Variants in ZNF169 observed in about 807,000 individuals in gnomAD.
ZNF169 encodes the protein zinc finger protein 169.
Under a neutral mutation model 12.0 loss-of-function variants are expected in ZNF169, and 11 were observed. The ratio of observed to expected loss-of-function variants is 0.92; its 90% CI spans 0.58 to 1.52. ZNF169 has a LOEUF of 1.52. Ranked by LOEUF, ZNF169 falls within the 40% of genes most tolerant of loss-of-function variation. The pLI is 0.00. For synonymous variants in ZNF169, 302 were observed against 286.5 expected (o/e 1.05, Z -0.55); for missense variants, 722 against 744.0 (o/e 0.97, Z 0.34).
chr9:94,285,014 A>T (rs1234238435), intron 2 of ZNF169, among the ~76,000 whole-genome samples: 2 of 152,226 alleles, frequency 1.3e-5, no homozygotes, highest in East Asian at 3.8e-4. Context: ...AAATAGTGTC[A>T]TACTGGCATA....
chr9:94,273,194 CT>C (rs1317472790), intron 1 of ZNF169, among the ~76,000 whole-genome samples: 1 of 152,058 alleles, frequency 6.6e-6, no homozygotes, highest in African/African-American at 2.4e-5. Context: ...TGGCTGTTTC[CT>C]TTGCTGCAAA....
At chr9:94,279,720 G>A (rs62579660) in intron 2 of ZNF169, among the ~76,000 whole-genome samples, 24,085 of 152,096 alleles carry the variant, frequency 0.16, 2,565 homozygotes, top group Non-Finnish European at 0.23. Context: ...ATCCCTCACC[G>A]TGTGGGAAGC....
chr9:94,277,669 C>T (rs372820676), intron 1 of ZNF169, among the ~76,000 whole-genome samples: 19 of 152,164 alleles, frequency 1.2e-4, no homozygotes, highest in African/African-American at 4.3e-4. Context: ...CGGTGGCTCA[C>T]GCTTGTAATC....
At chr9:94,270,627 AT>A (rs887877544) in intron 1 of ZNF169, among the ~76,000 whole-genome samples, 45 of 126,918 alleles carry the variant, frequency 3.5e-4, no homozygotes, top group South Asian at 8.9e-4. Context: ...TAAATTTCAA[AT>A]TTATATAAAT....
chr9:94,267,506 T>C (rs964278233), intron 1 of ZNF169, among the ~76,000 whole-genome samples: 1 of 152,202 alleles, frequency 6.6e-6, no homozygotes, highest in Non-Finnish European at 1.5e-5. Context: ...TCACAGATAG[T>C]TTCCAAATTC....
chr9:94,261,235 G>C (rs996350815), intron 1 of ZNF169, among the ~76,000 whole-genome samples: 9 of 152,068 alleles, frequency 5.9e-5, no homozygotes, highest in African/African-American at 1.7e-4. Flanking sequence ...ATGTTGGCTA[G>C]GATGGTCTCG....
chr9:94,271,060 A>T (rs1269473785), intron 1 of ZNF169, among the ~76,000 whole-genome samples: 20 of 123,474 alleles, frequency 1.6e-4, no homozygotes, highest in South Asian at 4.6e-4. Context: ...ATATATATAT[A>T]TTTGCAACTA....
intron 4 of ZNF169, chr9:94,296,921 C>CA (rs1329338472): frequency 1.9e-5 from 8 of 424,314 alleles, no homozygotes; most frequent in Non-Finnish European, 3.7e-5. Context: ...GTGGTGCGCA[C>CA]CTGTAATCAC....
chr9:94,263,750 C>T (rs1830244074), intron 1 of ZNF169, among the ~76,000 whole-genome samples: 1 of 151,576 alleles, frequency 6.6e-6, no homozygotes, highest in Admixed American at 6.6e-5. Context: ...TAGATTAGGT[C>T]TCTTTTACTG....
intron 1 of ZNF169, among the ~76,000 whole-genome samples, chr9:94,268,260 G>T (rs745981100): frequency 5.9e-5 from 9 of 151,960 alleles, no homozygotes; most frequent in Non-Finnish European, 8.8e-5. Flanking sequence ...AGACACAATT[G>T]ACAAGGAAAT....
At chr9:94,262,331 G>C (rs942751956) in intron 1 of ZNF169, among the ~76,000 whole-genome samples, 1 of 152,334 alleles carries the variant, frequency 6.6e-6, no homozygotes, top group East Asian at 1.9e-4. Flanking sequence ...GATGGGAAAA[G>C]GGGGTTAGGC....
chr9:94,273,575 C>CTTTTTT lies in ZNF169; in HGVS notation c.-55-5180_-55-5179insTTTTTT, dbSNP rs768421966. On this transcript the variant is annotated intron_variant, in intron 1 of 4. Coordinates refer to ENST00000395395, the MANE Select transcript of ZNF169 (RefSeq NM_194320.4). ...TTCATTTAAAGCTATAACTTTCTTT[C>CTTTTTT]TTTCTTTTTTTTTTTTTTTTTGAGA... Among the ~76,000 whole-genome samples the CTTTTTT allele has an allele frequency of 2.5e-4, 27 of 109,992 alleles. 2 individuals carry two copies. Among genetic ancestry groups the CTTTTTT allele is most frequent in the Non-Finnish European group, 3.0e-4 (16 of 53,552 alleles). The allele number at this position is 109,992 out of a possible 152,430, so 72.2% of individuals were successfully genotyped here.
At chr9:94,272,880 CTGTTT>C (rs534061540) in intron 1 of ZNF169, among the ~76,000 whole-genome samples, 49 of 152,020 alleles carry the variant, frequency 3.2e-4, no homozygotes, top group Admixed American at 1.0e-3. Flanking sequence ...CACTTATTTT[CTGTTT>C]TGTTTTGTTT....
chr9:94,273,891 T>C (rs1366613352), intron 1 of ZNF169, among the ~76,000 whole-genome samples: 1 of 152,178 alleles, frequency 6.6e-6, no homozygotes, highest in African/African-American at 2.4e-5. Context: ...AAGCTATAAC[T>C]TTCTTTCTAA....
rs1831056169 is a variant in ZNF169 at position 94,300,880 on chromosome 9, A to G, written c.1322A>G (p.Gln441Arg). The change falls in exon 5 of 5, where the codon CAG (glutamine) becomes CGG (arginine). Residue 441 changes from glutamine to arginine, a missense_variant. Coordinates refer to ENST00000395395, the MANE Select transcript of ZNF169 (RefSeq NM_194320.4). The stretch of plus-strand genomic sequence containing the variant: ...CCCCAGTGTGGGCGGGGTTTTAGCC[A>G]GAAGGTCACCCTCATTGGACACCAG... ...LCPQCGRGFS[Q>R]KVTLIGHQRT... 1.2e-6 allele frequency: 2 copies of G among 1,612,654 alleles called. No homozygotes were observed. Among genetic ancestry groups the G allele is most frequent in the Non-Finnish European group, 1.7e-6 (2 of 1,179,578 alleles).
At chr9:94,268,711 G>A (rs563405584) in intron 1 of ZNF169, among the ~76,000 whole-genome samples, 8 of 148,666 alleles carry the variant, frequency 5.4e-5, no homozygotes, top group South Asian at 2.2e-4. Flanking sequence ...TGCTTGAACC[G>A]GGAGGCAGGG....
chr9:94,268,783 T>C (rs11791327), intron 1 of ZNF169, among the ~76,000 whole-genome samples: 54,919 of 116,984 alleles, frequency 0.47, 10,726 homozygotes, highest in Middle Eastern at 0.55. Flanking sequence ...GAGACTCCAT[T>C]TCAAAAAAAA....
chr9:94,271,209 C>T (rs1830415650), intron 1 of ZNF169, among the ~76,000 whole-genome samples: 1 of 150,134 alleles, frequency 6.7e-6, no homozygotes, highest in Admixed American at 6.8e-5. Flanking sequence ...AGTCCTCTCA[C>T]CTCAGCCTCC....
At chr9:94,285,092 C>T (rs768227154) in intron 2 of ZNF169, among the ~76,000 whole-genome samples, 7 of 151,974 alleles carry the variant, frequency 4.6e-5, no homozygotes, top group Middle Eastern at 3.2e-3. Flanking sequence ...CATATATGGT[C>T]AATTGATTTT....
Sources: gnomAD v4.1 joint callset for allele counts (sites outside exome capture counted in the v4.1 genomes callset) on GRCh38, gnomAD v4.1.1 for gene constraint, MANE v1.5 for transcripts, NCBI Gene and HGNC (gene_info 2026-07-23, HGNC 2026-07-21) for gene names.